Variants in PTPRD observed in about 807,000 individuals in gnomAD.
The protein encoded by PTPRD is protein tyrosine phosphatase receptor type D, also known as receptor-type tyrosine-protein phosphatase delta.
PTPRD carries 34 observed loss-of-function variants against 214.5 expected under a neutral mutation model. That is an observed-to-expected ratio of 0.16 (90% confidence interval 0.12 to 0.21). PTPRD has a LOEUF of 0.21. Ranked by LOEUF, PTPRD falls within the 10% of genes least tolerant of loss-of-function variation. PTPRD has a pLI of 1.00. For missense variants in PTPRD, 2,545 were observed against 2,398.7 expected (o/e 1.06, Z -1.27); for synonymous variants, 1,128 against 845.7 (o/e 1.33, Z -5.79).
intron 10 of PTPRD, among the ~76,000 whole-genome samples, chr9:9,105,111 G>C (rs1243193356): frequency 6.6e-6 from 1 of 152,130 alleles, no homozygotes; most frequent in African/African-American, 2.4e-5. Flanking sequence ...TTCACAGACA[G>C]AATTTTAGGG....
chr9:9,941,747 T>C (rs950913048), intron 4 of PTPRD, among the ~76,000 whole-genome samples: 2 of 152,286 alleles, frequency 1.3e-5, no homozygotes, highest in Non-Finnish European at 2.9e-5. Flanking sequence ...AGAACAACTC[T>C]GAAGAAGAGG....
At chr9:9,343,586 A>T (rs1425603044) in intron 9 of PTPRD, among the ~76,000 whole-genome samples, 1 of 152,236 alleles carries the variant, frequency 6.6e-6, no homozygotes, top group Non-Finnish European at 1.5e-5. Context: ...GACTTAAGCA[A>T]CTGCAAATAT....
At position 8,316,063 on chromosome 9, in the gene PTPRD, C is replaced by A. The variant is rs143455816; in HGVS notation, c.*1811G>T. 9.2e-5 allele frequency: 21 copies of A among 228,538 alleles called. No individual in the cohort carries two copies. Among genetic ancestry groups the A allele is most frequent in the Non-Finnish European group, 2.6e-5 (3 of 115,002 alleles). The allele number at this position is 228,538 out of a possible 1,614,324, so 14.2% of individuals were successfully genotyped here. The stretch of plus-strand genomic sequence containing the variant: ...GGTGCAGTTACTGCATGTTCCAGAG[C>A]GGATTTGGAAGGGAATATAAATAAA... On this transcript the variant is annotated 3_prime_UTR_variant, in exon 46 of 46. Transcript: ENST00000381196.
intron 2 of PTPRD, among the ~76,000 whole-genome samples, chr9:10,411,541 G>C (rs992509820): frequency 2.6e-5 from 4 of 151,678 alleles, no homozygotes; most frequent in African/African-American, 9.7e-5. Flanking sequence ...TCTTAAACTT[G>C]GCAGATTCAC....
intron 14 of PTPRD, among the ~76,000 whole-genome samples, chr9:8,563,435 A>C (rs939325870): frequency 1.4e-5 from 2 of 142,546 alleles, no homozygotes; most frequent in African/African-American, 5.4e-5. Flanking sequence ...TTTGATGTAG[A>C]CTTTTTTTTT....
intron 8 of PTPRD, among the ~76,000 whole-genome samples, chr9:9,398,370 C>G (rs1369612182): frequency 4.6e-5 from 7 of 151,978 alleles, no homozygotes; most frequent in Non-Finnish European, 7.4e-5. Context: ...TTCATTGTTC[C>G]CTACCCAGAA....
chr9:8,364,178 C>G (rs2079192428), intron 39 of PTPRD, among the ~76,000 whole-genome samples: 1 of 152,168 alleles, frequency 6.6e-6, no homozygotes, highest in Non-Finnish European at 1.5e-5. Flanking sequence ...AGAAATAGCA[C>G]AAATCCAAAT....
intron 2 of PTPRD, among the ~76,000 whole-genome samples, chr9:10,594,972 G>A (rs538202168): frequency 3.2e-4 from 48 of 151,752 alleles, no homozygotes; most frequent in Middle Eastern, 6.8e-3. Flanking sequence ...GGGCAACTTC[G>A]GAGACATTTT....
chr9:10,145,045 C>A (rs958669590), intron 3 of PTPRD, among the ~76,000 whole-genome samples: 19 of 151,942 alleles, frequency 1.3e-4, no homozygotes, highest in African/African-American at 4.1e-4. Context: ...ACCGATTTTT[C>A]AAAAAATTAA....
intron 31 of PTPRD, among the ~76,000 whole-genome samples, 177 bp from the exon 32 acceptor site, chr9:8,465,852 C>T (rs2096534268): frequency 1.3e-5 from 2 of 151,874 alleles, no homozygotes; most frequent in Admixed American, 6.6e-5. Flanking sequence ...AAATGCTTCT[C>T]TTCCTGTTAA....
At chr9:9,803,778 A>T (rs2099056481) in intron 5 of PTPRD, 2 of 152,046 alleles carry the variant, frequency 1.3e-5, no homozygotes, top group Non-Finnish European at 2.9e-5. Flanking sequence ...AAACATAACA[A>T]ATCAAATAAA....
Position 10,475,456 on chromosome 9 carries a change from A to G in PTPRD, c.-599-134439T>C, listed in dbSNP as rs1285173018. 2.6e-5 allele frequency among the ~76,000 whole-genome samples: 4 copies of G among 152,080 alleles called. No individual in the cohort carries two copies. In the East Asian group the frequency reaches 5.8e-4, roughly 22 times the overall value. Reference sequence around the variant, plus strand: ...ACAAAGAAGTCGAATCCCTGAATATAGGAATAAAAAGTTCTGAAATTGAGG... The same window carrying G: ...ACAAAGAAGTCGAATCCCTGAATATGGGAATAAAAAGTTCTGAAATTGAGG... On this transcript the variant is annotated intron_variant, in intron 2 of 45. Transcript: ENST00000381196.
chr9:8,695,455 G>A (rs1323771272), intron 12 of PTPRD, among the ~76,000 whole-genome samples: 3 of 151,940 alleles, frequency 2.0e-5, no homozygotes, highest in African/African-American at 7.3e-5. Flanking sequence ...TAAAATCTGG[G>A]TCAATGTTAT....
At chr9:9,365,769 T>C (rs1015006001) in intron 9 of PTPRD, among the ~76,000 whole-genome samples, 2 of 151,476 alleles carry the variant, frequency 1.3e-5, no homozygotes, top group Admixed American at 6.6e-5. Context: ...AGTCTCTCTA[T>C]GGGTCTCTCA....
chr9:9,705,243 G>A (rs1349809987), intron 7 of PTPRD, among the ~76,000 whole-genome samples: 1 of 152,018 alleles, frequency 6.6e-6, no homozygotes, highest in Non-Finnish European at 1.5e-5. Context: ...GTGGTTTTGT[G>A]GTGCTGAATT....
At chr9:9,079,268 T>A (rs1378832498) in intron 10 of PTPRD, among the ~76,000 whole-genome samples, 1 of 151,962 alleles carries the variant, frequency 6.6e-6, no homozygotes, top group Non-Finnish European at 1.5e-5. Flanking sequence ...TTAGATCAAA[T>A]TTTTTTTAGC....
At chr9:9,408,928 CTT>C (rs1021814326) in intron 8 of PTPRD, among the ~76,000 whole-genome samples, 8 of 151,702 alleles carry the variant, frequency 5.3e-5, no homozygotes, top group African/African-American at 1.9e-4. Context: ...GTGTTAGAGA[CTT>C]TTTATATCAT....
At chr9:9,834,962 G>C (rs1056066690) in intron 5 of PTPRD, among the ~76,000 whole-genome samples, 4 of 151,490 alleles carry the variant, frequency 2.6e-5, no homozygotes, top group South Asian at 4.2e-4. Context: ...TCCCAGATAA[G>C]AGCAGATTCA....
chr9:9,315,362 T>C (rs1962142699), intron 9 of PTPRD, among the ~76,000 whole-genome samples: 1 of 152,022 alleles, frequency 6.6e-6, no homozygotes, highest in African/African-American at 2.4e-5. Flanking sequence ...CAACTTATTA[T>C]TGACAATATT....
Sources: gnomAD v4.1 joint callset for allele counts (sites outside exome capture counted in the v4.1 genomes callset) on GRCh38, gnomAD v4.1.1 for gene constraint, MANE v1.5 for transcripts, NCBI Gene and HGNC (gene_info 2026-07-23, HGNC 2026-07-21) for gene names.